CNBD1: variants seen among roughly 807,000 people sequenced by gnomAD.
The protein encoded by CNBD1 is cyclic nucleotide-binding domain-containing protein 1.
In CNBD1, 71 loss-of-function variants were observed where a neutral mutation model predicts 54.4. That is an observed-to-expected ratio of 1.30 (90% CI 1.08 to 1.59). CNBD1 has a LOEUF of 1.59. CNBD1 is among the 40% of genes most tolerant of loss of function. CNBD1 has a pLI of 0.00. For missense variants in CNBD1, 659 were observed against 518.0 expected, an observed-to-expected ratio of 1.27 and a Z score of -2.64; for synonymous variants, 182 against 170.7, an observed-to-expected ratio of 1.07 and a Z score of -0.51.
chr8:87,277,785 C>A (rs952165881), intron 6 of CNBD1, among the ~76,000 whole-genome samples: 50 of 151,574 alleles, frequency 3.3e-4, no homozygotes, highest in Non-Finnish European at 1.2e-4. Context: ...GATGACATAG[C>A]TAGAACAATC....
intron 6 of CNBD1, among the ~76,000 whole-genome samples, chr8:87,260,158 T>A (rs1808106610): frequency 6.6e-6 from 1 of 152,152 alleles, no homozygotes; most frequent in Admixed American, 6.6e-5. Context: ...GTAGTTAATT[T>A]TGAGATTGCA....
rs554762981 is a variant in CNBD1 at position 87,261,251 on chromosome 8, AG to A, written c.772-23424del. ...AATCTGTGGAGCTCCAAAATCTGAA[AG>A]GGAGCTTACCCACGATCCCCAGCTG... On this transcript the variant is annotated intron_variant, in intron 6 of 10. Coordinates refer to ENST00000518476, the MANE Select transcript of CNBD1 (RefSeq NM_173538.3). Among the ~76,000 whole-genome samples the A allele has an allele frequency of 4.6e-5, 7 of 152,232 alleles. No individual in the cohort carries two copies. In the South Asian group the frequency reaches 1.5e-3, roughly 32 times the overall value.
chr8:87,334,571 T>C (rs1435593742), intron 8 of CNBD1, among the ~76,000 whole-genome samples: 5 of 98,150 alleles, frequency 5.1e-5, no homozygotes, highest in Non-Finnish European at 6.0e-5. Flanking sequence ...GATTCTGGTA[T>C]GTTTTTCTGT....
intron 6 of CNBD1, among the ~76,000 whole-genome samples, chr8:87,243,291 C>T (rs182228751): frequency 6.6e-6 from 1 of 152,316 alleles, no homozygotes; most frequent in East Asian, 1.9e-4. Flanking sequence ...TCTTCAGATC[C>T]TGGATAAAAC....
At chr8:87,131,486 C>T (rs1298109871) in intron 4 of CNBD1, among the ~76,000 whole-genome samples, 7 of 152,016 alleles carry the variant, frequency 4.6e-5, no homozygotes, top group African/African-American at 1.4e-4. Flanking sequence ...ATATATAGTA[C>T]ATCTATACAT....
chr8:87,006,207 G>A (rs1456102792), intron 4 of CNBD1, among the ~76,000 whole-genome samples: 1 of 151,928 alleles, frequency 6.6e-6, no homozygotes, highest in East Asian at 1.9e-4. Context: ...TCTAAATCGG[G>A]GGAAAAAAGT....
At position 86,949,452 on chromosome 8, in the gene CNBD1, A is replaced by C. The variant is rs189413243; in HGVS notation, c.431+9698A>C. Among the ~76,000 whole-genome samples, 5 of 152,244 alleles carry C rather than the reference A, an allele frequency of 3.3e-5. No individual in the cohort carries two copies. In the East Asian group the frequency reaches 5.8e-4, roughly 18 times the overall value. The stretch of plus-strand genomic sequence containing the variant: ...ATCAGTGTTATATAGTTTTCTTTAT[A>C]GATATATTTCACATATTAGTTAATT... On this transcript the variant is annotated intron_variant, in intron 4 of 10. Coordinates refer to ENST00000518476, the MANE Select transcript of CNBD1 (RefSeq NM_173538.3).
intron 4 of CNBD1, among the ~76,000 whole-genome samples, chr8:87,127,068 A>G (rs959387524): frequency 3.3e-5 from 5 of 151,968 alleles, no homozygotes; most frequent in Non-Finnish European, 5.9e-5. Flanking sequence ...CTTGCTTACC[A>G]TAGCTTTATA....
intron 4 of CNBD1, among the ~76,000 whole-genome samples, chr8:86,976,914 A>G (rs965098142): frequency 2.6e-5 from 4 of 152,008 alleles, no homozygotes; most frequent in African/African-American, 9.7e-5. Context: ...TATGAGTTTT[A>G]ACAACTTTTT....
rs990060962 is a variant in CNBD1, at chr8:87,369,533, T to C, written c.1304-13087T>C. Among the ~76,000 whole-genome samples the C allele has an allele frequency of 2.0e-5, 3 of 152,110 alleles. No individual in the cohort carries two copies. In the East Asian group the frequency reaches 5.8e-4, roughly 30 times the overall value. On this transcript the variant is annotated intron_variant, in intron 10 of 10. Transcript: ENST00000518476. The stretch of plus-strand genomic sequence containing the variant: ...CTCAGTCTTTATTTATCTGGAAATG[T>C]CTTTATTTCTTTTTCATGTTTGAAG...
chr8:87,171,490 T>A (rs1001673595), intron 4 of CNBD1, among the ~76,000 whole-genome samples: 5 of 152,038 alleles, frequency 3.3e-5, no homozygotes, highest in African/African-American at 1.2e-4. Context: ...TTTTATATTG[T>A]TTCCTTGGTT....
intron 2 of CNBD1, among the ~76,000 whole-genome samples, chr8:87,418,672 A>T (rs1276387179): frequency 6.6e-6 from 1 of 151,952 alleles, no homozygotes. Flanking sequence ...AATAAAACAA[A>T]AATACCTTAT....
At chr8:87,022,317 T>C (rs1205220080) in intron 4 of CNBD1, among the ~76,000 whole-genome samples, 2 of 152,180 alleles carry the variant, frequency 1.3e-5, no homozygotes, top group African/African-American at 4.8e-5. Flanking sequence ...ATTGTGCCAC[T>C]GGGTTTTTTG....
chr8:87,245,066 T>A (rs188203451), intron 6 of CNBD1, among the ~76,000 whole-genome samples: 1 of 152,218 alleles, frequency 6.6e-6, no homozygotes, highest in Non-Finnish European at 1.5e-5. Flanking sequence ...GAACTTAACA[T>A]CTAATTGTCT....
At chr8:87,313,795 A>AT (rs1286624175) in intron 8 of CNBD1, among the ~76,000 whole-genome samples, 19 of 151,882 alleles carry the variant, frequency 1.3e-4, no homozygotes, top group African/African-American at 4.6e-4. Context: ...TATGCATTTA[A>AT]TTTTTTAACA....
intron 8 of CNBD1, among the ~76,000 whole-genome samples, chr8:87,339,997 T>G (rs748812108): frequency 2.0e-5 from 3 of 152,218 alleles, no homozygotes; most frequent in Admixed American, 6.5e-5. Flanking sequence ...TAATTTCATA[T>G]GCTTTCATGT....
intron 2 of CNBD1, among the ~76,000 whole-genome samples, chr8:87,424,155 A>G (rs1182606761): frequency 1.3e-5 from 2 of 150,028 alleles, no homozygotes; most frequent in African/African-American, 4.9e-5. Context: ...CATCTATTTG[A>G]CTCTTCTCCC....
intron 6 of CNBD1, among the ~76,000 whole-genome samples, chr8:87,269,688 TG>T (rs1374936930): frequency 6.6e-6 from 1 of 152,038 alleles, no homozygotes; most frequent in African/African-American, 2.4e-5. Context: ...CTATTGTAAA[TG>T]GAATTGCTTT....
At chr8:87,391,166 C>T (rs951205200) in intron 2 of CNBD1, among the ~76,000 whole-genome samples, 1 of 151,974 alleles carries the variant, frequency 6.6e-6, no homozygotes, top group Non-Finnish European at 1.5e-5. Context: ...TGGTGCAGCA[C>T]AACAACATGG....
Sources: gnomAD v4.1 joint callset for allele counts (sites outside exome capture counted in the v4.1 genomes callset) on GRCh38, gnomAD v4.1.1 for gene constraint, MANE v1.5 for transcripts, NCBI Gene and HGNC (gene_info 2026-07-23, HGNC 2026-07-21) for gene names.